Variants in EFR3A observed in about 807,000 individuals in gnomAD.
EFR3A encodes the protein protein EFR3 homolog A.
EFR3A carries 76 observed loss-of-function variants against 104.4 expected under a neutral mutation model. The ratio of observed to expected loss-of-function variants is 0.73; its 90% CI spans 0.60 to 0.88. The LOEUF (loss-of-function observed/expected upper bound fraction) is 0.88. EFR3A is among the 40% of genes least tolerant of loss of function. The pLI is 0.00. For missense variants in EFR3A, 985 were observed against 1,012.5 expected (o/e 0.97, Z 0.37); for synonymous variants, 330 against 330.0 (o/e 1.00, Z 0.00).
At chr8:131,905,615 A>C (rs1586505481) in intron 1 of EFR3A, among the ~76,000 whole-genome samples, 1 of 152,206 alleles carries the variant, frequency 6.6e-6, no homozygotes, top group East Asian at 1.9e-4. Context: ...CTTCGCATCC[A>C]GTAAATATGT....
chr8:131,928,751 T>C (rs1333535396), intron 1 of EFR3A, among the ~76,000 whole-genome samples: 2 of 152,160 alleles, frequency 1.3e-5, no homozygotes, highest in African/African-American at 4.8e-5. Context: ...TCCTTTTTAC[T>C]TGCATTTAAA....
intron 22 of EFR3A, among the ~76,000 whole-genome samples, chr8:132,009,540 G>A (rs1464817806): frequency 1.3e-5 from 2 of 152,000 alleles, no homozygotes; most frequent in African/African-American, 4.8e-5. Flanking sequence ...GTAAGTGGAA[G>A]AGAGGAAAAT....
Position 131,904,299 on chromosome 8 carries a change from C to T in EFR3A, c.-14C>T, listed in dbSNP as rs754040559. On this transcript the variant is annotated 5_prime_UTR_variant, in exon 1 of 23. Transcript: ENST00000254624. ...CTGAGCCTCGGTGCGGCGGCGAGCG[C>T]GGTCGAGATCGCCATGCCTACCCGT... 2.3e-5 allele frequency: 29 copies of T among 1,265,764 alleles called. No homozygotes were observed. The East Asian group carries it at 3.5e-4, about 15-fold the overall frequency. 78.4% of individuals were successfully genotyped at this position (1,265,764 alleles called of 1,614,324 possible).
chr8:131,994,411 G>A (rs1423706898), intron 18 of EFR3A, among the ~76,000 whole-genome samples: 2 of 152,156 alleles, frequency 1.3e-5, no homozygotes, highest in East Asian at 3.9e-4. Context: ...GAGAGGGCCT[G>A]GGGCAGTCTG....
intron 22 of EFR3A, among the ~76,000 whole-genome samples, chr8:132,004,400 G>A (rs1821935978): frequency 6.6e-6 from 1 of 152,168 alleles, no homozygotes; most frequent in African/African-American, 2.4e-5. Context: ...CATAGGAGCA[G>A]GAACCCTATT....
At chr8:131,917,230 C>A (rs1466421527) in intron 1 of EFR3A, among the ~76,000 whole-genome samples, 1 of 152,240 alleles carries the variant, frequency 6.6e-6, no homozygotes, top group Non-Finnish European at 1.5e-5. Flanking sequence ...ACATTAGAGA[C>A]GAGCTGTCAC....
intron 1 of EFR3A, among the ~76,000 whole-genome samples, chr8:131,926,240 A>T (rs1817291956): frequency 6.6e-6 from 1 of 152,188 alleles, no homozygotes; most frequent in South Asian, 2.1e-4. Context: ...AGAGTTTCAG[A>T]ATATATTATG....
At chr8:131,976,178 A>C in intron 11 of EFR3A, 37 bp downstream of exon 11, 1 of 1,305,938 alleles carries the variant, frequency 7.7e-7, no homozygotes, top group Non-Finnish European at 1.1e-6. Context: ...CTTAATCTTG[A>C]GTTACATTTT....
At chr8:131,973,216 A>G (rs539797537) in intron 10 of EFR3A, among the ~76,000 whole-genome samples, 2 of 152,094 alleles carry the variant, frequency 1.3e-5, no homozygotes, top group African/African-American at 4.8e-5. Flanking sequence ...ATAATAAAGC[A>G]TAGACATTCT....
At chr8:131,989,281 T>C (rs1038749926) in intron 18 of EFR3A, among the ~76,000 whole-genome samples, 2 of 152,172 alleles carry the variant, frequency 1.3e-5, no homozygotes, top group South Asian at 4.1e-4. Context: ...CAGATATTCA[T>C]TTAAAAAATT....
intron 19 of EFR3A, among the ~76,000 whole-genome samples, chr8:131,999,327 C>T (rs1161976292): frequency 6.6e-6 from 1 of 152,074 alleles, no homozygotes; most frequent in Non-Finnish European, 1.5e-5. Flanking sequence ...AGCATCTAGT[C>T]AATATTAGTC....
At chr8:131,987,732 C>G in intron 18 of EFR3A, 30 bp downstream of exon 18, 1 of 1,552,832 alleles carries the variant, frequency 6.4e-7, no homozygotes, top group South Asian at 1.2e-5. Context: ...AACTTTCACT[C>G]TGGTGATTGC....
intron 7 of EFR3A, among the ~76,000 whole-genome samples, chr8:131,956,776 C>T (rs1222298894): frequency 6.6e-6 from 1 of 152,088 alleles, no homozygotes; most frequent in Non-Finnish European, 1.5e-5. Flanking sequence ...TCAAAGGGAT[C>T]TGTGTTTCCT....
At chr8:131,968,168 TTG>T in intron 8 of EFR3A, 125 bp from the exon 9 acceptor site, 1 of 772,012 alleles carries the variant, frequency 1.3e-6, no homozygotes, top group Non-Finnish European at 2.0e-6. Context: ...TGGCTATTTA[TTG>T]TCTCATAACA....
chr8:131,921,368 G>A (rs796753502), intron 1 of EFR3A, among the ~76,000 whole-genome samples: 65 of 152,074 alleles, frequency 4.3e-4, no homozygotes, highest in African/African-American at 1.5e-3. Flanking sequence ...TATTGGATTA[G>A]GACCTACCCC....
chr8:131,962,712 AGT>A (rs1819443904), intron 8 of EFR3A, among the ~76,000 whole-genome samples: 1 of 152,222 alleles, frequency 6.6e-6, no homozygotes, highest in Non-Finnish European at 1.5e-5. Context: ...CTCTGCACCA[AGT>A]GGACCTAATA....
At chr8:132,006,624 T>C (rs1035613680) in intron 22 of EFR3A, among the ~76,000 whole-genome samples, 3 of 152,064 alleles carry the variant, frequency 2.0e-5, no homozygotes, top group Non-Finnish European at 4.4e-5. Context: ...ACCAGTTTCA[T>C]ACATATTCAG....
intron 14 of EFR3A, among the ~76,000 whole-genome samples, chr8:131,981,673 G>A (rs1045328766): frequency 6.6e-6 from 1 of 152,100 alleles, no homozygotes; most frequent in Non-Finnish European, 1.5e-5. Flanking sequence ...CTTTAGTTAA[G>A]AGAATCCTAG....
At chr8:131,904,739 C>A (rs977415092) in intron 1 of EFR3A, among the ~76,000 whole-genome samples, 4 of 152,240 alleles carry the variant, frequency 2.6e-5, no homozygotes, top group Non-Finnish European at 5.9e-5. Flanking sequence ...GCCCCGAGTC[C>A]CTTCCCGCGG....
Sources: allele counts gnomAD v4.1 joint callset (sites outside exome capture counted in the v4.1 genomes callset), GRCh38; gene constraint gnomAD v4.1.1; transcripts MANE v1.5; gene names NCBI Gene and HGNC (gene_info 2026-07-23, HGNC 2026-07-21).